LEPROT: variants seen among roughly 807,000 people sequenced by gnomAD.
LEPROT encodes leptin receptor overlapping transcript.
Under a neutral mutation model 15.4 loss-of-function variants are expected in LEPROT, and 3 were observed. The observed-to-expected ratio is 0.19, with a 90% CI of 0.09 to 0.50. The LOEUF (loss-of-function observed/expected upper bound fraction) is 0.50. Among genes scored for constraint, LEPROT ranks in the 20% least tolerant of loss-of-function variants. The pLI is 0.97. For synonymous variants in LEPROT, 59 were observed against 57.5 expected, an observed-to-expected ratio of 1.03 and a Z score of -0.12; for missense variants, 137 against 162.2, an observed-to-expected ratio of 0.84 and a Z score of 0.84.
chr1:65,432,689 A>T lies in LEPROT; in HGVS notation c.*770A>T. 1.0e-6 allele frequency: 1 copy of T among 955,538 alleles called. No individual in the cohort carries two copies. Among genetic ancestry groups the T allele is most frequent in the Non-Finnish European group, 1.2e-6 (1 of 802,792 alleles). 59.2% of individuals were successfully genotyped at this position (955,538 alleles called of 1,614,324 possible). A position where few individuals can be genotyped will look rare whatever the true frequency, so the allele number is the denominator to read the frequency against. On this transcript the variant is annotated 3_prime_UTR_variant, in exon 4 of 4. Transcript: ENST00000371065. ...GTTCTCAGAATTGGGAGACAGTCAA[A>T]GGGTACAAAGCCTCAGTTAGGAGGA... is the stretch of plus-strand genomic sequence containing the variant.
chr1:65,431,897 ATTTTAGCTGG>A lies in LEPROT; in HGVS notation c.375_384del (p.Asp125GlufsTer9). 4 of 1,614,002 alleles carry A rather than the reference ATTTTAGCTGG, an allele frequency of 2.5e-6. No homozygotes were observed. The highest frequency in any genetic ancestry group is 3.4e-6 in the Non-Finnish European group (4 of 1,179,986). On this transcript the variant is annotated frameshift_variant, in exon 4 of 4. Coordinates refer to ENST00000371065, the MANE Select transcript of LEPROT (RefSeq NM_017526.5). LOFTEE classifies it high-confidence loss of function. ...TTCCTTATATTTGGAAGAGGAGATGATTTTAGCTGGGAGCAGTGGTAGCACTTTATTCTGA... is the reference window on the plus strand; with the variant it reads ...TTCCTTATATTTGGAAGAGGAGATGAGAGCAGTGGTAGCACTTTATTCTGA...
At position 65,425,367 on chromosome 1, in the gene LEPROT, A is replaced by G; in HGVS notation, c.81A>G (p.Leu27=). The G allele has an allele frequency of 6.2e-7, 1 of 1,604,106 alleles. No homozygotes were observed. The highest frequency in any genetic ancestry group is 8.5e-7 in the Non-Finnish European group (1 of 1,177,442). The change falls in exon 2 of 4, where the codon TTA becomes TTG. Residue 27 remains leucine (L), a synonymous_variant. Transcript: ENST00000371065. ...GLTFLMLGCA[L]EDYGVYWPLF... ...CTTTTCTTATGCTGGGATGTGCCTT[A>G]GAGGATTATGGGTAAGTTATCATTT...
Position 65,432,826 on chromosome 1 carries a change from AAGTT to A in LEPROT, c.*909_*912del. ...GTAAATTTCTAATGTTCTCATAAAAAAGTTAAATATTTGAGATCATATGTTAATT... is the reference window on the plus strand; with the variant it reads ...GTAAATTTCTAATGTTCTCATAAAAAAAATATTTGAGATCATATGTTAATT... On this transcript the variant is annotated 3_prime_UTR_variant, in exon 4 of 4. Coordinates refer to ENST00000371065, the MANE Select transcript of LEPROT (RefSeq NM_017526.5). 1 of 622,018 alleles carries A rather than the reference AAGTT, an allele frequency of 1.6e-6. No homozygotes were observed. Among genetic ancestry groups the A allele is most frequent in the Non-Finnish European group, 2.0e-6 (1 of 498,418 alleles). The allele number at this position is 622,018 out of a possible 1,614,324, so 38.5% of individuals were successfully genotyped here.
rs1307497632 is a variant in LEPROT at position 65,434,637 on chromosome 1, G to A, written c.*2718G>A. 1 of 985,296 alleles carries A rather than the reference G, an allele frequency of 1.0e-6. No individual in the cohort carries two copies. The allele number at this position is 985,296 out of a possible 1,614,324, so 61.0% of individuals were successfully genotyped here. A position where few individuals can be genotyped will look rare whatever the true frequency, so the allele number is the denominator to read the frequency against. On this transcript the variant is annotated 3_prime_UTR_variant, in exon 4 of 4. Transcript: ENST00000371065. ...GGGTAGTGTGAGTAGTTTGGAGGAAGGACAGTGCAACTTTCCACCCCTTTT... is the reference window on the plus strand; with the variant it reads ...GGGTAGTGTGAGTAGTTTGGAGGAAAGACAGTGCAACTTTCCACCCCTTTT...
Position 65,434,424 on chromosome 1 carries a change from A to G in LEPROT, c.*2505A>G, listed in dbSNP as rs1483138472. The G allele has an allele frequency of 2.0e-6, 2 of 985,294 alleles. No individual in the cohort carries two copies. The highest frequency in any genetic ancestry group is 2.4e-6 in the Non-Finnish European group (2 of 829,936). The allele number at this position is 985,294 out of a possible 1,614,324, so 61.0% of individuals were successfully genotyped here. On this transcript the variant is annotated 3_prime_UTR_variant, in exon 4 of 4. Coordinates refer to ENST00000371065, the MANE Select transcript of LEPROT (RefSeq NM_017526.5). ...AAATTGGCCACAAGTAAATAATCTT[A>G]TGAAGGGATTCTTTATCATGTTTCA...
chr1:65,421,023 C>T (rs1164414239), intron 1 of LEPROT, among the ~76,000 whole-genome samples: 2 of 152,170 alleles, frequency 1.3e-5, no homozygotes, highest in Non-Finnish European at 2.9e-5. Flanking sequence ...AGAGCGGCGC[C>T]CTCCACCTCT....
In LEPROT at chr1:65,431,821, G is replaced by A. The variant is rs1366940760; in HGVS notation, c.298G>A (p.Gly100Ser). 9 of 1,613,412 alleles carry A rather than the reference G, an allele frequency of 5.6e-6. No individual in the cohort carries two copies. Among genetic ancestry groups the A allele is most frequent in the African/African-American group, 4.0e-5 (3 of 74,882 alleles). Residue 100 changes from glycine (G) to serine (S), a missense_variant, in exon 4 of 4, where the codon GGC becomes AGC. Coordinates refer to ENST00000371065, the MANE Select transcript of LEPROT (RefSeq NM_017526.5). ...RVAVIKWGAC[G>S]LVLAGNAVIF... ...CTTTCAGATCAAATGGGGAGCCTGC[G>A]GCCTTGTGTTGGCAGGCAATGCAGT...
At chr1:65,430,751 A>T (rs1055778040) in intron 3 of LEPROT, among the ~76,000 whole-genome samples, 7 of 152,214 alleles carry the variant, frequency 4.6e-5, no homozygotes, top group African/African-American at 1.7e-4. Flanking sequence ...AATAAGAAAT[A>T]GGTACTGTCT....
rs375637482 is a variant in LEPROT at position 65,433,094 on chromosome 1, G to A, written c.*1175G>A. ...CGAGCCAGCCCCTGCGTTAGCAGGA[G>A]GGGGAGAACAGATAGGTAACTCTTT... On this transcript the variant is annotated 3_prime_UTR_variant, in exon 4 of 4. Transcript: ENST00000371065. 2.0e-4 allele frequency: 194 copies of A among 985,386 alleles called. 1 individual carries two copies. The African/African-American group carries it at 2.7e-3, about 14-fold the overall frequency. 61.0% of individuals were successfully genotyped at this position (985,386 alleles called of 1,614,324 possible). A position where few individuals can be genotyped will look rare whatever the true frequency, so the allele number is the denominator to read the frequency against.
chr1:65,423,385 C>A (rs867123756), intron 1 of LEPROT, among the ~76,000 whole-genome samples: 1 of 151,886 alleles, frequency 6.6e-6, no homozygotes, highest in South Asian at 2.1e-4. Flanking sequence ...AAAAAAAAGA[C>A]CAAAAAGAAT....
intron 1 of LEPROT, among the ~76,000 whole-genome samples, chr1:65,423,665 T>G (rs1260353140): frequency 6.7e-6 from 1 of 148,276 alleles, no homozygotes; most frequent in African/African-American, 2.7e-5. Flanking sequence ...TCCCTTAACA[T>G]GTGTATACTT....
At position 65,435,063 on chromosome 1, in the gene LEPROT, G is replaced by A. The variant is rs1001634398; in HGVS notation, c.*3144G>A. ...TCTCATTCACAGAGAATGGGAGAAC[G>A]GAATGAAGAAAGATTCCAGCAGCTT... On this transcript the variant is annotated 3_prime_UTR_variant, in exon 4 of 4. Transcript: ENST00000371065. 1.3e-5 allele frequency: 13 copies of A among 985,294 alleles called. No homozygotes were observed. The highest frequency in any genetic ancestry group is 1.4e-5 in the Non-Finnish European group (12 of 829,954). 61.0% of individuals were successfully genotyped at this position (985,294 alleles called of 1,614,324 possible). A position where few individuals can be genotyped will look rare whatever the true frequency, so the allele number is the denominator to read the frequency against.
chr1:65,428,731 T>C (rs1192522981), intron 2 of LEPROT, among the ~76,000 whole-genome samples: 1 of 152,162 alleles, frequency 6.6e-6, no homozygotes, highest in African/African-American at 2.4e-5. Flanking sequence ...GCAGAGACTT[T>C]TTTTTTCTTA....
At position 65,425,597 on chromosome 1, in the gene LEPROT, C is replaced by G. The variant is rs1456484688; in HGVS notation, c.92+219C>G. On this transcript the variant is annotated intron_variant, in intron 2 of 3. Coordinates refer to ENST00000371065, the MANE Select transcript of LEPROT (RefSeq NM_017526.5). Reference sequence around the variant, plus strand: ...TCCATAAGCATTTGTTTAACACCTACTCTGGACTAGCTGGGGACACACAAA... The same window carrying G: ...TCCATAAGCATTTGTTTAACACCTAGTCTGGACTAGCTGGGGACACACAAA... Among the ~76,000 whole-genome samples the G allele has an allele frequency of 2.6e-5, 4 of 152,060 alleles. No individual in the cohort carries two copies. In the East Asian group the frequency reaches 7.7e-4, roughly 29 times the overall value.
intron 1 of LEPROT, among the ~76,000 whole-genome samples, chr1:65,421,649 G>A (rs879155621): frequency 1.3e-5 from 2 of 152,202 alleles, no homozygotes; most frequent in South Asian, 2.1e-4. Flanking sequence ...TGAGCTGTTA[G>A]CAGCAGACAT....
intron 2 of LEPROT, among the ~76,000 whole-genome samples, chr1:65,428,799 A>G (rs1270081890): frequency 6.6e-6 from 1 of 152,154 alleles, no homozygotes; most frequent in African/African-American, 2.4e-5. Context: ...TGAAGTACTG[A>G]TAGAGAAAAT....
chr1:65,426,245 GTATA>G (rs982597630), intron 2 of LEPROT, among the ~76,000 whole-genome samples: 19 of 134,160 alleles, frequency 1.4e-4, no homozygotes, highest in African/African-American at 7.4e-4. Context: ...ACATGAAAGT[GTATA>G]TAGCCTTTTC....
chr1:65,426,795 G>A (rs747791356), intron 2 of LEPROT, among the ~76,000 whole-genome samples: 7 of 151,942 alleles, frequency 4.6e-5, no homozygotes, highest in South Asian at 2.1e-4. Flanking sequence ...TCAAGAGATC[G>A]AGACCATCCT....
In LEPROT at chr1:65,435,892, A is replaced by G; in HGVS notation, c.*3973A>G. ...AAAATCCCACTGAGTAATAGCTCAT[A>G]AATTATAATCTTTCAAATAGCCATG... On this transcript the variant is annotated 3_prime_UTR_variant, in exon 4 of 4. Transcript: ENST00000371065. The G allele has an allele frequency of 4.1e-6, 4 of 984,484 alleles. No homozygotes were observed. Among genetic ancestry groups the G allele is most frequent in the Non-Finnish European group, 4.8e-6 (4 of 829,070 alleles). 61.0% of individuals were successfully genotyped at this position (984,484 alleles called of 1,614,324 possible). A position where few individuals can be genotyped will look rare whatever the true frequency, so the allele number is the denominator to read the frequency against.
Sources: allele counts gnomAD v4.1 joint callset (sites outside exome capture counted in the v4.1 genomes callset), GRCh38; gene constraint gnomAD v4.1.1; transcripts MANE v1.5; gene names NCBI Gene and HGNC (gene_info 2026-07-23, HGNC 2026-07-21).